The following MRAP2 variants were observed in gnomAD, a reference collection of about 807,000 sequenced individuals.
MRAP2 encodes melanocortin 2 receptor accessory protein 2.
Under a neutral mutation model 17.4 loss-of-function variants are expected in MRAP2, and 20 were observed. The observed-to-expected ratio is 1.15, with a 90% confidence interval of 0.81 to 1.67. MRAP2 has a LOEUF of 1.67. MRAP2 is among the 40% of genes most tolerant of loss of function. The pLI is 0.00. For synonymous variants in MRAP2, 96 were observed against 88.4 expected (o/e 1.09, Z -0.48); for missense variants, 238 against 240.0 (o/e 0.99, Z 0.05).
At chr6:84,131,900 A>G in the MRAP2 span, among the ~76,000 whole-genome samples, 1 of 152,082 alleles carries the variant, frequency 6.6e-6, no homozygotes, top group Non-Finnish European at 1.5e-5. Context: ...TTAGCTGGTT[A>G]TTTTGCTCAT....
At chr6:84,099,429 T>C in the MRAP2 span, among the ~76,000 whole-genome samples, 1 of 152,146 alleles carries the variant, frequency 6.6e-6, no homozygotes. Context: ...AGTAATATAG[T>C]CTGGATATTT....
intron 2 of MRAP2, chr6:84,062,422 C>A: frequency 1.9e-6 from 1 of 536,812 alleles, no homozygotes; most frequent in Non-Finnish European, 2.4e-6. Context: ...TGAATCTATT[C>A]TGATTCTGGG....
intron 3 of MRAP2, among the ~76,000 whole-genome samples, chr6:84,065,601 C>G (rs1019511961): frequency 6.6e-6 from 1 of 152,022 alleles, no homozygotes; most frequent in Non-Finnish European, 1.5e-5. Flanking sequence ...CTCAGAAGAA[C>G]CAATGGAGTT....
In MRAP2 at chr6:84,039,647, G is replaced by A. The variant is rs182446064; in HGVS notation, c.-8+5764G>A. Among the ~76,000 whole-genome samples the A allele has an allele frequency of 5.9e-5, 9 of 152,332 alleles. No homozygotes were observed. In the East Asian group the frequency reaches 1.5e-3, roughly 26 times the overall value. On this transcript the variant is annotated intron_variant, in intron 1 of 3. Transcript: ENST00000257776. ...TGTAATTTTTGCCTCACTAGAGAAC[G>A]TTAGTAAAATTTCATAACCCTTCAA...
intron 1 of MRAP2, chr6:84,035,385 T>G (rs1588614157): frequency 1.0e-6 from 1 of 980,482 alleles, no homozygotes; most frequent in Non-Finnish European, 1.2e-6. Context: ...TACAAATACT[T>G]ACGCCAAACC....
downstream of MRAP2, among the ~76,000 whole-genome samples, chr6:84,093,153 T>C (rs2099502052): frequency 6.6e-6 from 1 of 152,208 alleles, no homozygotes; most frequent in Admixed American, 6.5e-5. Flanking sequence ...ACTCTGTCCA[T>C]TTCAGTTGAA....
intron 1 of MRAP2, chr6:84,045,289 C>A (rs979763180): frequency 1.0e-6 from 1 of 985,224 alleles, no homozygotes; most frequent in African/African-American, 1.7e-5. Context: ...GTTGGTGGAG[C>A]TGTCAGGTAC....
chr6:84,112,417 G>A, the MRAP2 span, among the ~76,000 whole-genome samples: 1 of 152,092 alleles, frequency 6.6e-6, no homozygotes, highest in Non-Finnish European at 1.5e-5. Flanking sequence ...TTCTTTGATG[G>A]TAGTTTGTAT....
chr6:84,064,634 C>G (rs1032040254), intron 3 of MRAP2, among the ~76,000 whole-genome samples: 4 of 152,138 alleles, frequency 2.6e-5, no homozygotes, highest in Non-Finnish European at 5.9e-5. Flanking sequence ...ACTACAGGCA[C>G]CCACCACCAC....
At chr6:84,139,148 A>G in the MRAP2 span, among the ~76,000 whole-genome samples, 1 of 152,206 alleles carries the variant, frequency 6.6e-6, no homozygotes, top group Non-Finnish European at 1.5e-5. Context: ...TTTTCTGCCT[A>G]AAAGTAGGAA....
chr6:84,115,345 C>A, the MRAP2 span, among the ~76,000 whole-genome samples: 1 of 152,178 alleles, frequency 6.6e-6, no homozygotes, highest in Non-Finnish European at 1.5e-5. Context: ...TCACCTAGTT[C>A]GAACTTCTCA....
At chr6:84,064,845 C>G (rs549361116) in intron 3 of MRAP2, among the ~76,000 whole-genome samples, 25 of 152,206 alleles carry the variant, frequency 1.6e-4, no homozygotes, top group African/African-American at 5.8e-4. Context: ...GGCAGCAGCT[C>G]TCTTTCATGG....
At chr6:84,033,730 G>T (rs1389988939), upstream of MRAP2, 8 of 985,212 alleles carry the variant, frequency 8.1e-6, no homozygotes, top group Non-Finnish European at 9.6e-6. Flanking sequence ...TCCGCTGCGG[G>T]TCGGGAGCGC....
the MRAP2 span, among the ~76,000 whole-genome samples, chr6:84,121,360 G>A: frequency 5.3e-5 from 8 of 152,048 alleles, no homozygotes; most frequent in South Asian, 2.1e-4. Context: ...CTGCACAAGC[G>A]TGGCCAGGCA....
the MRAP2 span, among the ~76,000 whole-genome samples, chr6:84,141,469 G>A: frequency 1.3e-5 from 2 of 152,042 alleles, no homozygotes; most frequent in Admixed American, 6.6e-5. Flanking sequence ...CCAACTGCCT[G>A]ATGTTGATCT....
chr6:84,142,139 A>G, the MRAP2 span, among the ~76,000 whole-genome samples: 1 of 152,180 alleles, frequency 6.6e-6, no homozygotes. Context: ...AAACTCCTTT[A>G]CCCCAAATTT....
the MRAP2 span, among the ~76,000 whole-genome samples, chr6:84,106,848 G>C: frequency 6.6e-6 from 1 of 152,138 alleles, no homozygotes; most frequent in Non-Finnish European, 1.5e-5. Flanking sequence ...CAGTGGGTCA[G>C]ACAACATGCA....
At chr6:84,144,424 T>C in the MRAP2 span, among the ~76,000 whole-genome samples, 38 of 152,230 alleles carry the variant, frequency 2.5e-4, no homozygotes, top group Non-Finnish European at 5.3e-4. Flanking sequence ...CCATATCAAG[T>C]GCATTATAAT....
At chr6:84,061,499 A>C (rs1480363447) in intron 2 of MRAP2, among the ~76,000 whole-genome samples, 1 of 152,216 alleles carries the variant, frequency 6.6e-6, no homozygotes, top group East Asian at 1.9e-4. Flanking sequence ...TGTTTAGGGA[A>C]TTACAGACAA....
Sources: gnomAD v4.1 joint callset for allele counts (sites outside exome capture counted in the v4.1 genomes callset) on GRCh38, gnomAD v4.1.1 for gene constraint, MANE v1.5 for transcripts, NCBI Gene and HGNC (gene_info 2026-07-23, HGNC 2026-07-21) for gene names.